Variants in CLDN18 observed in about 807,000 individuals in gnomAD.
CLDN18 encodes claudin 18.
In CLDN18, 20 loss-of-function variants were observed where a neutral mutation model predicts 25.0. That is an observed-to-expected ratio of 0.80 (90% CI 0.56 to 1.16). CLDN18 has a LOEUF of 1.16. Ranked by LOEUF, CLDN18 falls within the 50% of genes most tolerant of loss-of-function variation. The pLI, the probability that CLDN18 is intolerant of heterozygous loss-of-function variation, is 0.00. For synonymous variants in CLDN18, 125 were observed against 135.6 expected (o/e 0.92, Z 0.54); for missense variants, 297 against 345.4 (o/e 0.86, Z 1.11).
At position 138,031,251 on chromosome 3, in the gene CLDN18, A is replaced by G. The variant is rs1942392220; in HGVS notation, c.*110A>G. Reference sequence around the variant, plus strand: ...TGCTTTTGACTCACAGCTGGAAGTTAGAAAAGCCTCGATTTCATCTTTGGA... The same window carrying G: ...TGCTTTTGACTCACAGCTGGAAGTTGGAAAAGCCTCGATTTCATCTTTGGA... On this transcript the variant is annotated 3_prime_UTR_variant, in exon 5 of 5. Transcript: ENST00000183605. 1 of 1,009,678 alleles carries G rather than the reference A, an allele frequency of 9.9e-7. No homozygotes were observed. The highest frequency in any genetic ancestry group is 1.6e-5 in the African/African-American group (1 of 61,984). 62.5% of individuals were successfully genotyped at this position (1,009,678 alleles called of 1,614,324 possible). A position where few individuals can be genotyped will look rare whatever the true frequency, so the allele number is the denominator to read the frequency against.
chr3:138,004,408 G>A (rs182822475), intron 1 of CLDN18, among the ~76,000 whole-genome samples: 2 of 152,162 alleles, frequency 1.3e-5, no homozygotes, highest in African/African-American at 4.8e-5. Flanking sequence ...GTTTCCCCAT[G>A]GGAACTTGAC....
At position 138,032,235 on chromosome 3, in the gene CLDN18, C is replaced by T. The variant is rs1307467090; in HGVS notation, c.*1094C>T. 1 of 151,958 alleles carries T rather than the reference C, an allele frequency of 6.6e-6. No homozygotes were observed. Among genetic ancestry groups the T allele is most frequent in the South Asian group, 2.1e-4 (1 of 4,824 alleles). The allele number at this position is 151,958 out of a possible 1,614,324, so 9.4% of individuals were successfully genotyped here. ...AGAAGTTCGAGACTAGCCTGGGCAA[C>T]ATGGAGAAGCCCTGTCTCTACAAAA... On this transcript the variant is annotated 3_prime_UTR_variant, in exon 5 of 5. Coordinates refer to ENST00000183605, the MANE Select transcript of CLDN18 (RefSeq NM_016369.4).
At chr3:138,012,986 A>G (rs1018732564) in intron 1 of CLDN18, among the ~76,000 whole-genome samples, 10 of 152,338 alleles carry the variant, frequency 6.6e-5, no homozygotes, top group Middle Eastern at 6.8e-3. Flanking sequence ...TGTGTCATTC[A>G]GCTTCTATGT....
At chr3:138,014,797 C>T (rs1410467275) in intron 1 of CLDN18, among the ~76,000 whole-genome samples, 1 of 152,148 alleles carries the variant, frequency 6.6e-6, no homozygotes, top group Non-Finnish European at 1.5e-5. Flanking sequence ...CAAATTGGCA[C>T]CCCAAAATAC....
At chr3:138,011,750 C>T (rs1282434170) in intron 1 of CLDN18, among the ~76,000 whole-genome samples, 1 of 152,074 alleles carries the variant, frequency 6.6e-6, no homozygotes, top group African/African-American at 2.4e-5. Context: ...ATAACCTCTC[C>T]CCAGGGCCCC....
intron 1 of CLDN18, 80 bp downstream of exon 1, chr3:138,010,525 C>A: frequency 6.4e-7 from 1 of 1,553,940 alleles, no homozygotes; most frequent in Non-Finnish European, 8.8e-7. Flanking sequence ...GCCCCACTCC[C>A]ACCTCTGGGT....
chr3:138,028,061 CT>C (rs1164754908), intron 3 of CLDN18, among the ~76,000 whole-genome samples: 2 of 149,034 alleles, frequency 1.3e-5, no homozygotes, highest in African/African-American at 4.9e-5. Context: ...AGTGTGTGTG[CT>C]TTCTTTTTTT....
At position 138,033,464 on chromosome 3, in the gene CLDN18, T is replaced by G. The variant is rs980780462; in HGVS notation, c.*2323T>G. ...AAGTCCCTGGTCAGGTCTCAGGTAG[T>G]GCGGTGTGGCTCAGCTGGGTTTTTA... On this transcript the variant is annotated 3_prime_UTR_variant, in exon 5 of 5. Transcript: ENST00000183605. The G allele has an allele frequency of 6.6e-6, 1 of 152,262 alleles. No individual in the cohort carries two copies. Among genetic ancestry groups the G allele is most frequent in the Non-Finnish European group, 1.5e-5 (1 of 68,054 alleles). The allele number at this position is 152,262 out of a possible 1,614,324, so 9.4% of individuals were successfully genotyped here. A position where few individuals can be genotyped will look rare whatever the true frequency, so the allele number is the denominator to read the frequency against.
At chr3:137,998,864 C>T in exon 1 of CLDN18, 5 of 1,614,108 alleles carry the variant, frequency 3.1e-6, no homozygotes, top group Non-Finnish European at 4.2e-6. Flanking sequence ...ACACTGTGCG[C>T]CACCATGGCC....
intron 1 of CLDN18, among the ~76,000 whole-genome samples, chr3:138,001,591 GCTCAAAGA>G (rs1276259394): frequency 6.6e-6 from 1 of 152,008 alleles, no homozygotes; most frequent in African/African-American, 2.4e-5. Flanking sequence ...ATTCGCCCAG[GCTCAAAGA>G]TCTAAAAACG....
chr3:138,004,191 A>G (rs1354685746), intron 1 of CLDN18, among the ~76,000 whole-genome samples: 2 of 152,206 alleles, frequency 1.3e-5, no homozygotes, highest in Non-Finnish European at 2.9e-5. Flanking sequence ...TTACCTATAC[A>G]TATTTTAATC....
chr3:138,022,858 T>C (rs2107886533), intron 1 of CLDN18, among the ~76,000 whole-genome samples: 1 of 152,336 alleles, frequency 6.6e-6, no homozygotes, highest in East Asian at 1.9e-4. Context: ...CCATGGCCAG[T>C]CAGGAGGGCT....
chr3:138,020,518 C>G (rs1028559286), intron 1 of CLDN18, among the ~76,000 whole-genome samples: 7 of 152,074 alleles, frequency 4.6e-5, no homozygotes, highest in African/African-American at 1.7e-4. Context: ...TTCAAAATTT[C>G]TCATTGATTG....
At chr3:138,007,534 G>T (rs1410318889), upstream of CLDN18, among the ~76,000 whole-genome samples, 1 of 150,922 alleles carries the variant, frequency 6.6e-6, no homozygotes, top group African/African-American at 2.4e-5. Flanking sequence ...CATATACTGG[G>T]GCCTGTCGGG....
In CLDN18 at chr3:138,010,579, AAGG is replaced by A. The variant is rs1255433616; in HGVS notation, c.220+137_220+139del. The A allele has an allele frequency of 5.2e-6, 6 of 1,161,236 alleles. No individual in the cohort carries two copies. The African/African-American group carries it at 9.2e-5, about 18-fold the overall frequency. The allele number at this position is 1,161,236 out of a possible 1,614,324, so 71.9% of individuals were successfully genotyped here. A position where few individuals can be genotyped will look rare whatever the true frequency, so the allele number is the denominator to read the frequency against. On this transcript the variant is annotated intron_variant, in intron 1 of 4. Transcript: ENST00000183605. ...GGCTCAGAATGAAAGGTGTGAATAAAAGGAGAAGCTGGCTCGTGTCTAATAGGG... is the reference window on the plus strand; with the variant it reads ...GGCTCAGAATGAAAGGTGTGAATAAAAGAAGCTGGCTCGTGTCTAATAGGG...
In CLDN18 at chr3:138,031,295, C is replaced by T. The variant is rs1364762605; in HGVS notation, c.*154C>T. The T allele has an allele frequency of 7.3e-6, 4 of 544,602 alleles. No homozygotes were observed. The highest frequency in any genetic ancestry group is 1.2e-5 in the Non-Finnish European group (4 of 322,938). 33.7% of individuals were successfully genotyped at this position (544,602 alleles called of 1,614,324 possible). A position where few individuals can be genotyped will look rare whatever the true frequency, so the allele number is the denominator to read the frequency against. On this transcript the variant is annotated 3_prime_UTR_variant, in exon 5 of 5. Coordinates refer to ENST00000183605, the MANE Select transcript of CLDN18 (RefSeq NM_016369.4). The stretch of plus-strand genomic sequence containing the variant: ...CTTTGGAGAGGCCAAATGGTCTTAG[C>T]CTCAGTCTCTGTCTCTAAATATTCC...
At chr3:138,030,889 C>T (rs1942384057) in intron 4 of CLDN18, 81 bp from the exon 5 acceptor site, 3 of 1,317,822 alleles carry the variant, frequency 2.3e-6, no homozygotes, top group African/African-American at 1.5e-5. Flanking sequence ...AGTGCCAAGA[C>T]TGAGACAGTT....
chr3:138,007,549 G>C (rs185287436), upstream of CLDN18, among the ~76,000 whole-genome samples: 3 of 151,182 alleles, frequency 2.0e-5, no homozygotes, highest in Admixed American at 2.0e-4. Context: ...GTCGGGGGTC[G>C]GGGGGGTGAG....
intron 1 of CLDN18, among the ~76,000 whole-genome samples, chr3:138,021,761 G>A (rs960146301): frequency 2.0e-5 from 3 of 152,134 alleles, no homozygotes; most frequent in African/African-American, 4.8e-5. Context: ...TGGCATGAGA[G>A]GTCCCCTCAC....
Sources: allele counts gnomAD v4.1 joint callset (sites outside exome capture counted in the v4.1 genomes callset), GRCh38; gene constraint gnomAD v4.1.1; transcripts MANE v1.5; gene names NCBI Gene and HGNC (gene_info 2026-07-23, HGNC 2026-07-21).